UBE3A: variants seen among roughly 807,000 people sequenced by gnomAD.
UBE3A encodes the protein ubiquitin protein ligase E3A.
A neutral mutation model predicts 83.4 loss-of-function variants in UBE3A; 6 were observed. That is an observed-to-expected ratio of 0.07 (90% confidence interval 0.04 to 0.14). The LOEUF is 0.14. Among genes scored for constraint, UBE3A ranks in the 10% least tolerant of loss-of-function variants. The pLI is 1.00. For missense variants in UBE3A, 456 were observed against 1,036.1 expected (o/e 0.44, Z 7.69); for synonymous variants, 337 against 355.4 (o/e 0.95, Z 0.58).
At chr15:25,359,286 G>A (rs1566908219) in intron 7 of UBE3A, among the ~76,000 whole-genome samples, 1 of 152,098 alleles carries the variant, frequency 6.6e-6, no homozygotes, top group Non-Finnish European at 1.5e-5. Flanking sequence ...AGAACTTTAT[G>A]AAGTTTATAA....
intron 6 of UBE3A, among the ~76,000 whole-genome samples, chr15:25,364,036 TAATAAATAAATA>T (rs370238150): frequency 8.5e-4 from 117 of 137,626 alleles, no homozygotes; most frequent in Non-Finnish European, 1.1e-3. Flanking sequence ...TACAAAAAAC[TAATAAATAAATA>T]AATAAATAAA....
intron 6 of UBE3A, among the ~76,000 whole-genome samples, chr15:25,369,934 T>C (rs2080030330): frequency 6.6e-6 from 1 of 152,182 alleles, no homozygotes; most frequent in Non-Finnish European, 1.5e-5. Flanking sequence ...CCCAGATTTT[T>C]GGAATAGCTG....
At chr15:25,358,731 G>A (rs907224519) in intron 7 of UBE3A, among the ~76,000 whole-genome samples, 2 of 152,130 alleles carry the variant, frequency 1.3e-5, no homozygotes, top group Non-Finnish European at 2.9e-5. Context: ...TTGATCACTA[G>A]GAGTATGAAT....
rs761006853 is a variant in UBE3A at position 25,379,110 on chromosome 15, T to C, written c.63-3347A>G. On this transcript the variant is annotated intron_variant, in intron 4 of 12. Transcript: ENST00000648336. ...AGTTTCCTCGTAATTTAAATGGTAG[T>C]ATCTACGAGCATTATCATGGTGAGA... is the stretch of plus-strand genomic sequence containing the variant. Among the ~76,000 whole-genome samples, 67 of 152,306 alleles carry C rather than the reference T, an allele frequency of 4.4e-4. 1 individual carries two copies. Among genetic ancestry groups the C allele is most frequent in the Middle Eastern group, 6.8e-3 (2 of 294 alleles).
chr15:25,375,743 T>C lies in UBE3A; in HGVS notation c.83A>G (p.His28Arg). Residue 28 changes from histidine (H) to arginine (R), a missense_variant, in exon 5 of 13, where the codon CAT becomes CGT. By Grantham distance (29) the His-to-Arg change is conservative. Transcript: ENST00000648336. Reference sequence around the variant, plus strand: ...CTGGTGGTAGTAGCGTTCTATTAGATGCTTTGCAGCTGCTCGCTTCCTGTA... The same window carrying C: ...CTGGTGGTAGTAGCGTTCTATTAGACGCTTTGCAGCTGCTCGCTTCCTGTA... ...ASRMKRAAAK[H>R]LIERYYHQLT... 6.2e-7 allele frequency: 1 copy of C among 1,612,568 alleles called. No individual in the cohort carries two copies. Among genetic ancestry groups the C allele is most frequent in the Non-Finnish European group, 8.5e-7 (1 of 1,180,026 alleles).
intron 6 of UBE3A, among the ~76,000 whole-genome samples, chr15:25,364,071 T>A (rs974915013): frequency 2.9e-4 from 44 of 150,616 alleles, no homozygotes; most frequent in Admixed American, 1.3e-3. Flanking sequence ...AATAAATAAA[T>A]AAAAAATAGT....
chr15:25,390,828 C>T (rs2084182963), intron 4 of UBE3A, among the ~76,000 whole-genome samples: 1 of 151,858 alleles, frequency 6.6e-6, no homozygotes, highest in African/African-American at 2.4e-5. Flanking sequence ...ACATGTACCA[C>T]TCTGGTGGGA....
At chr15:25,340,579 CTGAAA>C (rs1458799122) in intron 11 of UBE3A, among the ~76,000 whole-genome samples, 3 of 152,028 alleles carry the variant, frequency 2.0e-5, no homozygotes, top group Non-Finnish European at 4.4e-5. Context: ...TTGAAAAAGA[CTGAAA>C]TGAATATTTG....
chr15:25,429,686 AAAAC>A lies in UBE3A; in HGVS notation c.-165+8799_-165+8802del, dbSNP rs763858440. Among the ~76,000 whole-genome samples, 29 of 152,040 alleles carry A rather than the reference AAAAC, an allele frequency of 1.9e-4. No individual in the cohort carries two copies. The Middle Eastern group carries it at 0.01, about 54-fold the overall frequency. On this transcript the variant is annotated intron_variant, in intron 1 of 12. Coordinates refer to ENST00000648336, the MANE Select transcript of UBE3A (RefSeq NM_130839.5). ...AATATAGTGAAACTTCATCTCTACA[AAAAC>A]AAACAAACAAACATTTTTTTAAGAA... is the stretch of plus-strand genomic sequence containing the variant.
In UBE3A at chr15:25,387,019, C is replaced by T. The variant is rs572850682; in HGVS notation, c.63-11256G>A. ...AATAAAACCTTTTATTTTTCTTATA[C>T]TTAATTGATCTAACAAATAAGAATT... is the stretch of plus-strand genomic sequence containing the variant. On this transcript the variant is annotated intron_variant, in intron 4 of 12. Coordinates refer to ENST00000648336, the MANE Select transcript of UBE3A (RefSeq NM_130839.5). Among the ~76,000 whole-genome samples the T allele has an allele frequency of 1.5e-4, 23 of 152,246 alleles. No individual in the cohort carries two copies. In the South Asian group the frequency reaches 4.8e-3, roughly 32 times the overall value.
chr15:25,426,020 G>A (rs1891210966), intron 1 of UBE3A, among the ~76,000 whole-genome samples: 1 of 86,080 alleles, frequency 1.2e-5, no homozygotes, highest in Non-Finnish European at 2.7e-5. Flanking sequence ...CCTCCCTTGG[G>A]TTCTTTGAAA....
chr15:25,367,635 A>C (rs2079544838), intron 6 of UBE3A, among the ~76,000 whole-genome samples: 2 of 152,190 alleles, frequency 1.3e-5, no homozygotes, highest in Admixed American at 1.3e-4. Flanking sequence ...AAATGATAGC[A>C]TCTTACAATG....
At chr15:25,419,886 G>A (rs1404173062) in intron 1 of UBE3A, among the ~76,000 whole-genome samples, 1 of 151,082 alleles carries the variant, frequency 6.6e-6, no homozygotes, top group African/African-American at 2.4e-5. Context: ...ATCACTGGGG[G>A]GAAAAAAAAC....
intron 4 of UBE3A, among the ~76,000 whole-genome samples, chr15:25,388,615 G>A (rs2083632802): frequency 6.6e-6 from 1 of 151,944 alleles, no homozygotes; most frequent in South Asian, 2.1e-4. Flanking sequence ...GACAAGAAAA[G>A]GAAATAAAGG....
intron 4 of UBE3A, among the ~76,000 whole-genome samples, chr15:25,390,341 C>T (rs1326540108): frequency 1.3e-5 from 2 of 152,280 alleles, no homozygotes; most frequent in East Asian, 3.9e-4. Flanking sequence ...AAAACCTGCA[C>T]ACCGATATCT....
chr15:25,437,776 C>G (rs1162606781), intron 1 of UBE3A, among the ~76,000 whole-genome samples: 1 of 152,064 alleles, frequency 6.6e-6, no homozygotes, highest in Non-Finnish European at 1.5e-5. Flanking sequence ...TTGGTACATT[C>G]AATTCTACCT....
In UBE3A at chr15:25,360,709, T is replaced by C. The variant is rs537900346; in HGVS notation, c.1609-182A>G. Among the ~76,000 whole-genome samples the C allele has an allele frequency of 2.6e-5, 4 of 152,232 alleles. No homozygotes were observed. The East Asian group carries it at 7.7e-4, about 29-fold the overall frequency. ...GACAAAGATTCAGTCTTAAAGATAA[T>C]CAAAAAGACAGACACAAAACAGACA... On this transcript the variant is annotated intron_variant, in intron 6 of 12. Coordinates refer to ENST00000648336, the MANE Select transcript of UBE3A (RefSeq NM_130839.5).
Position 25,375,331 on chromosome 15 carries a change from C to T in UBE3A, c.361+134G>A, listed in dbSNP as rs138689280. The stretch of plus-strand genomic sequence containing the variant: ...TGTAGTTATTATTCCTGTCCGTTAC[C>T]ACAATAAAAAATTGGTTCTACGATA... On this transcript the variant is annotated intron_variant, in intron 5 of 12. Transcript: ENST00000648336. 2.3e-4 allele frequency: 238 copies of T among 1,040,686 alleles called. No homozygotes were observed. In the African/African-American group the frequency reaches 3.7e-3, roughly 16 times the overall value. 64.5% of individuals were successfully genotyped at this position (1,040,686 alleles called of 1,614,324 possible). A position where few individuals can be genotyped will look rare whatever the true frequency, so the allele number is the denominator to read the frequency against.
intron 1 of UBE3A, chr15:25,412,924 A>AG: frequency 2.5e-6 from 1 of 402,202 alleles, no homozygotes; most frequent in South Asian, 1.8e-5. Flanking sequence ...CAGTGCATGA[A>AG]GTAGGGGTAA....
Sources: gnomAD v4.1 joint callset for allele counts (sites outside exome capture counted in the v4.1 genomes callset) on GRCh38, gnomAD v4.1.1 for gene constraint, MANE v1.5 for transcripts, NCBI Gene and HGNC (gene_info 2026-07-23, HGNC 2026-07-21) for gene names.